NRXN1: variants seen among roughly 807,000 people sequenced by gnomAD.
NRXN1 encodes the protein neurexin 1, also known as neurexin-1.
In NRXN1, 39 loss-of-function variants were observed where a neutral mutation model predicts 150.9. The observed-to-expected ratio is 0.26, with a 90% CI of 0.20 to 0.34. The LOEUF (loss-of-function observed/expected upper bound fraction) is 0.34, where lower values mean the gene tolerates loss of function less well. NRXN1 is among the 10% of genes least tolerant of loss of function. The pLI is 1.00. For missense variants in NRXN1, 1,815 were observed against 1,949.9 expected (o/e 0.93, Z 1.30); for synonymous variants, 924 against 757.0 (o/e 1.22, Z -3.62).
rs565536546 is a variant in NRXN1 at position 50,326,288 on chromosome 2, A to G, written c.3365-89318T>C. The stretch of plus-strand genomic sequence containing the variant: ...CTAAAACTATAAAACAATTTCAGCA[A>G]CAATTACCTTAAGTGATAAATTTTC... On this transcript the variant is annotated intron_variant, in intron 17 of 22. Coordinates refer to ENST00000401669, the MANE Select transcript of NRXN1 (RefSeq NM_001330078.2). Among the ~76,000 whole-genome samples, 4 of 152,344 alleles carry G rather than the reference A, an allele frequency of 2.6e-5. No homozygotes were observed. In the South Asian group the frequency reaches 6.2e-4, roughly 24 times the overall value.
At chr2:50,410,738 T>C (rs760133984) in intron 17 of NRXN1, among the ~76,000 whole-genome samples, 1 of 152,214 alleles carries the variant, frequency 6.6e-6, no homozygotes, top group Non-Finnish European at 1.5e-5. Flanking sequence ...CTATTGATCT[T>C]GCCAAAAGGA....
At chr2:50,666,873 ATGATGATGTGTG>A (rs1559097519) in intron 5 of NRXN1, among the ~76,000 whole-genome samples, 2 of 78,004 alleles carry the variant, frequency 2.6e-5, no homozygotes, top group East Asian at 6.6e-4. Context: ...GATGATGATG[ATGATGATGTGTG>A]TGTGTGTGTG....
At chr2:50,843,157 G>T (rs973011065) in intron 5 of NRXN1, among the ~76,000 whole-genome samples, 7 of 152,148 alleles carry the variant, frequency 4.6e-5, no homozygotes, top group African/African-American at 1.7e-4. Flanking sequence ...CCAGGGACAA[G>T]AAACCTTAGT....
chr2:50,319,333 A>G (rs2075845208), intron 17 of NRXN1, among the ~76,000 whole-genome samples: 1 of 152,312 alleles, frequency 6.6e-6, no homozygotes, highest in South Asian at 2.1e-4. Context: ...AAAACGTAGC[A>G]TAAAGTTACA....
chr2:50,410,675 G>GA (rs201311565), intron 17 of NRXN1, among the ~76,000 whole-genome samples: 1,800 of 151,108 alleles, frequency 0.012, 26 homozygotes, highest in African/African-American at 0.032. Flanking sequence ...AAATATTTCA[G>GA]AAAAAAAAAG....
In NRXN1 at chr2:50,329,550, TTTAGA is replaced by T. The variant is rs201464062; in HGVS notation, c.3365-92585_3365-92581del. Among the ~76,000 whole-genome samples, 477 of 140,986 alleles carry T rather than the reference TTTAGA, an allele frequency of 3.4e-3. 2 individuals carry two copies. Among genetic ancestry groups the T allele is most frequent in the African/African-American group, 0.012 (453 of 38,166 alleles). 92.5% of individuals were successfully genotyped at this position (140,986 alleles called of 152,430 possible). On this transcript the variant is annotated intron_variant, in intron 17 of 22. Coordinates refer to ENST00000401669, the MANE Select transcript of NRXN1 (RefSeq NM_001330078.2). Reference sequence around the variant, plus strand: ...CCACACTTCGTACACAATACAAATATTTAGATTAAACTATCATATATAACAGTAGT... The same window carrying T: ...CCACACTTCGTACACAATACAAATATTTAAACTATCATATATAACAGTAGT...
chr2:49,942,587 C>T (rs990017381), intron 22 of NRXN1, among the ~76,000 whole-genome samples: 3 of 137,486 alleles, frequency 2.2e-5, no homozygotes, highest in African/African-American at 8.1e-5. Flanking sequence ...TTAATGCAAA[C>T]AATATTATTA....
chr2:50,654,061 G>C (rs571843057), intron 5 of NRXN1, among the ~76,000 whole-genome samples: 4 of 145,720 alleles, frequency 2.7e-5, no homozygotes, highest in African/African-American at 1.0e-4. Flanking sequence ...TTAAGTTTTA[G>C]GGTACATGTG....
intron 8 of NRXN1, among the ~76,000 whole-genome samples, chr2:50,561,458 A>G (rs999863715): frequency 6.6e-5 from 10 of 152,220 alleles, no homozygotes; most frequent in Admixed American, 3.3e-4. Flanking sequence ...AGATGAGGAA[A>G]CTGAGGCTTA....
intron 19 of NRXN1, among the ~76,000 whole-genome samples, chr2:50,065,389 G>A (rs558256923): frequency 1.1e-4 from 16 of 152,078 alleles, no homozygotes; most frequent in African/African-American, 1.4e-4. Flanking sequence ...TCTTAATACC[G>A]TGAGTCATAA....
At chr2:50,540,349 C>A (rs2093360746) in intron 9 of NRXN1, among the ~76,000 whole-genome samples, 1 of 152,044 alleles carries the variant, frequency 6.6e-6, no homozygotes, top group East Asian at 1.9e-4. Context: ...CCATAAAATC[C>A]TATTTAGAAA....
At chr2:50,575,653 T>C (rs1028532079) in intron 8 of NRXN1, among the ~76,000 whole-genome samples, 7 of 152,222 alleles carry the variant, frequency 4.6e-5, no homozygotes, top group Non-Finnish European at 7.3e-5. Flanking sequence ...TCTTATTATA[T>C]ATATTTTTCA....
intron 9 of NRXN1, among the ~76,000 whole-genome samples, chr2:50,540,296 A>G (rs893729679): frequency 2.0e-5 from 3 of 152,246 alleles, no homozygotes; most frequent in African/African-American, 7.2e-5. Context: ...TCACATTTGT[A>G]CAAGTGTCTA....
At chr2:50,882,288 C>G (rs772530834) in intron 5 of NRXN1, among the ~76,000 whole-genome samples, 14 of 151,812 alleles carry the variant, frequency 9.2e-5, no homozygotes, top group Non-Finnish European at 1.9e-4. Flanking sequence ...TTAAAACCAT[C>G]GTTACATTTG....
intron 21 of NRXN1, among the ~76,000 whole-genome samples, chr2:49,964,328 C>A (rs1417524238): frequency 6.6e-6 from 1 of 152,046 alleles, no homozygotes; most frequent in Non-Finnish European, 1.5e-5. Flanking sequence ...TGCTGTAATC[C>A]CAGCACTTTG....
At chr2:50,458,681 G>T (rs1434500906) in intron 17 of NRXN1, among the ~76,000 whole-genome samples, 1 of 151,754 alleles carries the variant, frequency 6.6e-6, no homozygotes, top group African/African-American at 2.4e-5. Context: ...TCGGGTTCAA[G>T]TGATTCTGCT....
intron 17 of NRXN1, among the ~76,000 whole-genome samples, chr2:50,284,747 A>T (rs2071897957): frequency 1.3e-5 from 2 of 152,208 alleles, no homozygotes; most frequent in Admixed American, 6.5e-5. Flanking sequence ...AAATTTATTT[A>T]TTTAAAAAAT....
At chr2:50,966,965 C>T (rs1183018008) in intron 2 of NRXN1, among the ~76,000 whole-genome samples, 1 of 151,888 alleles carries the variant, frequency 6.6e-6, no homozygotes, top group African/African-American at 2.4e-5. Flanking sequence ...TTTGCTTTGG[C>T]AAATAATCTT....
chr2:50,009,975 T>G (rs1354239475), intron 21 of NRXN1, among the ~76,000 whole-genome samples: 1 of 152,118 alleles, frequency 6.6e-6, no homozygotes, highest in Admixed American at 6.6e-5. Context: ...TTCTAATTTG[T>G]AATAGGATTA....
Sources: gnomAD v4.1 joint callset for allele counts (sites outside exome capture counted in the v4.1 genomes callset) on GRCh38, gnomAD v4.1.1 for gene constraint, MANE v1.5 for transcripts, NCBI Gene and HGNC (gene_info 2026-07-23, HGNC 2026-07-21) for gene names.